Variants in CLCN5 observed in about 807,000 individuals in gnomAD.
CLCN5 encodes Cl-/H+ antiporter 5.
In CLCN5, 17 loss-of-function variants were observed where a neutral mutation model predicts 54.0. The observed-to-expected ratio is 0.31, with a 90% CI of 0.22 to 0.47. The LOEUF is 0.47. Among genes scored for constraint, CLCN5 ranks in the 20% least tolerant of loss-of-function variants. The probability of loss-of-function intolerance (pLI) is 1.00; values close to 1 mark genes in which losing one functional copy is unlikely to be tolerated. For missense variants in CLCN5, 448 were observed against 646.7 expected, an observed-to-expected ratio of 0.69 and a Z score of 3.33; for synonymous variants, 222 against 233.0, an observed-to-expected ratio of 0.95 and a Z score of 0.43.
chrX:49,999,170 C>T (rs1052545683), intron 3 of CLCN5, among the ~76,000 whole-genome samples: 1 of 110,887 alleles, frequency 9.0e-6, no homozygotes, highest in African/African-American at 3.3e-5. Context: ...CTCCTGATCA[C>T]CCCACGCCTC....
At chrX:50,004,121 G>T (rs1287431938) in intron 3 of CLCN5, among the ~76,000 whole-genome samples, 1 of 111,703 alleles carries the variant, frequency 9.0e-6, no homozygotes, top group Non-Finnish European at 1.9e-5. Context: ...GTCAGATTGT[G>T]AGTTTTCTCT....
intron 3 of CLCN5, among the ~76,000 whole-genome samples, chrX:49,928,794 G>A (rs189198035): frequency 2.5e-4 from 28 of 111,230 alleles, no homozygotes; most frequent in African/African-American, 8.2e-4. Flanking sequence ...GCATGGTGGC[G>A]GGTGCCTGTA....
chrX:49,975,159 C>T (rs1461655763), intron 3 of CLCN5, among the ~76,000 whole-genome samples: 1 of 111,418 alleles, frequency 9.0e-6, no homozygotes, highest in African/African-American at 3.3e-5. Flanking sequence ...TAAATTTTTG[C>T]ATGGGTGAAA....
intron 3 of CLCN5, among the ~76,000 whole-genome samples, chrX:50,033,285 A>C (rs1361203856): frequency 9.0e-6 from 1 of 111,542 alleles, no homozygotes; most frequent in African/African-American, 3.3e-5. Context: ...TCTCAGCCCA[A>C]AATCTCCTTA....
chrX:50,060,611 G>C (rs1932840303), intron 4 of CLCN5, among the ~76,000 whole-genome samples: 1 of 110,894 alleles, frequency 9.0e-6, no homozygotes, highest in African/African-American at 3.3e-5. Context: ...GGCTTGCTTA[G>C]GTAAACAAAG....
chrX:50,064,890 GACAAAA>G (rs1932942281), intron 4 of CLCN5, among the ~76,000 whole-genome samples: 1 of 107,893 alleles, frequency 9.3e-6, no homozygotes, highest in African/African-American at 3.6e-5. Flanking sequence ...TGACAAACCT[GACAAAA>G]ACAAGCAATG....
chrX:49,925,903 A>G (rs1176049804), intron 3 of CLCN5, among the ~76,000 whole-genome samples: 1 of 112,202 alleles, frequency 8.9e-6, no homozygotes, highest in Non-Finnish European at 1.9e-5. Context: ...GTGAATTCCT[A>G]CCACATACAA....
intron 4 of CLCN5, among the ~76,000 whole-genome samples, chrX:50,046,039 T>A (rs1932380613): frequency 1.8e-5 from 2 of 112,557 alleles, no homozygotes; most frequent in Non-Finnish European, 3.8e-5. Context: ...GGGCTTGATT[T>A]ATGAGGAATG....
chrX:49,993,527 T>C (rs1929366338), intron 3 of CLCN5, among the ~76,000 whole-genome samples: 1 of 111,873 alleles, frequency 8.9e-6, no homozygotes, highest in Admixed American at 9.5e-5. Flanking sequence ...CAGTAAATAA[T>C]ATAGTTTGAA....
intron 3 of CLCN5, among the ~76,000 whole-genome samples, chrX:49,962,796 T>C (rs1408772807): frequency 8.9e-6 from 1 of 111,923 alleles, no homozygotes; most frequent in Non-Finnish European, 1.9e-5. Context: ...TCCCATCTTT[T>C]CTGCCATGAA....
chrX:50,078,979 C>T (rs1225245919), intron 7 of CLCN5, among the ~76,000 whole-genome samples: 1 of 111,464 alleles, frequency 9.0e-6, no homozygotes, highest in African/African-American at 3.3e-5. Flanking sequence ...CCCGCTACCA[C>T]GCCCGGCTAA....
chrX:50,043,978 AT>A lies in CLCN5; in HGVS notation c.163+1518del, dbSNP rs782666468. 5.4e-3 allele frequency among the ~76,000 whole-genome samples: 600 copies of A among 112,028 alleles called. 2 individuals carry two copies. The highest frequency in any genetic ancestry group is 0.018 in the African/African-American group (566 of 30,881). On this transcript the variant is annotated intron_variant, in intron 4 of 14. Transcript: ENST00000376091. Reference sequence around the variant, plus strand: ...CAAATTCATATTAAGTACATAAGACATTGTAGACACTTTGCTGAGCTCTGGG... The same window carrying A: ...CAAATTCATATTAAGTACATAAGACATGTAGACACTTTGCTGAGCTCTGGG...
At chrX:50,016,745 C>G (rs959613417) in intron 3 of CLCN5, among the ~76,000 whole-genome samples, 7 of 108,246 alleles carry the variant, frequency 6.5e-5, no homozygotes, top group African/African-American at 2.0e-4. Context: ...CCCCCTCCCC[C>G]ACCCTAAACC....
At chrX:49,985,232 A>C (rs1928943382) in intron 3 of CLCN5, among the ~76,000 whole-genome samples, 1 of 111,013 alleles carries the variant, frequency 9.0e-6, no homozygotes, top group African/African-American at 3.3e-5. Context: ...TTGTATTTTA[A>C]TTAGTTCTTT....
At chrX:50,002,669 C>CTCTG (rs1929907878) in intron 3 of CLCN5, among the ~76,000 whole-genome samples, 6 of 97,853 alleles carry the variant, frequency 6.1e-5, no homozygotes, top group Non-Finnish European at 6.1e-5. Flanking sequence ...CTCTGTCTCT[C>CTCTG]TCTCTCTCTC....
chrX:49,927,581 A>T (rs372098711), intron 3 of CLCN5, among the ~76,000 whole-genome samples: 152 of 112,296 alleles, frequency 1.4e-3, no homozygotes, highest in African/African-American at 4.4e-3. Context: ...GCCTTGGGCA[A>T]GTAACTTAAT....
chrX:50,008,326 C>T (rs1432776418), intron 3 of CLCN5: 2 of 215,819 alleles, frequency 9.3e-6, no homozygotes, highest in African/African-American at 2.9e-5. Context: ...ATCTTTAATG[C>T]AAAGCTCAAG....
At chrX:50,083,528 GTTA>G (rs782312770) in intron 9 of CLCN5, among the ~76,000 whole-genome samples, 10 of 111,980 alleles carry the variant, frequency 8.9e-5, no homozygotes, top group African/African-American at 2.6e-4. Context: ...TCAAATAACA[GTTA>G]TTAGTGTAAA....
intron 4 of CLCN5, among the ~76,000 whole-genome samples, chrX:50,059,130 A>G (rs1451274624): frequency 2.7e-5 from 3 of 112,396 alleles, no homozygotes; most frequent in Non-Finnish European, 3.8e-5. Context: ...AATATGACCA[A>G]TGACTTAAGC....
Sources: gnomAD v4.1 joint callset for allele counts (sites outside exome capture counted in the v4.1 genomes callset) on GRCh38, gnomAD v4.1.1 for gene constraint, MANE v1.5 for transcripts, NCBI Gene and HGNC (gene_info 2026-07-23, HGNC 2026-07-21) for gene names.